The following VAV2 variants were observed in gnomAD, a reference collection of about 807,000 sequenced individuals.
VAV2 encodes the protein vav guanine nucleotide exchange factor 2.
A neutral mutation model predicts 132.5 loss-of-function variants in VAV2; 67 were observed. The ratio of observed to expected loss-of-function variants is 0.51; its 90% confidence interval spans 0.42 to 0.62. The LOEUF is 0.62. Ranked by LOEUF, VAV2 falls within the 20% of genes least tolerant of loss-of-function variation. VAV2 has a pLI of 0.00. For synonymous variants in VAV2, 492 were observed against 443.5 expected, an observed-to-expected ratio of 1.11 and a Z score of -1.37; for missense variants, 938 against 1,153.6, an observed-to-expected ratio of 0.81 and a Z score of 2.71.
intron 23 of VAV2, among the ~76,000 whole-genome samples, chr9:133,776,786 G>A (rs1035492253): frequency 1.3e-5 from 2 of 152,130 alleles, no homozygotes; most frequent in Non-Finnish European, 2.9e-5. Context: ...GGGGAGCACC[G>A]GGGCTGCCGC....
At chr9:133,905,569 C>T (rs982061892) in intron 2 of VAV2, among the ~76,000 whole-genome samples, 4 of 152,210 alleles carry the variant, frequency 2.6e-5, no homozygotes, top group African/African-American at 7.2e-5. Flanking sequence ...TAGGCCCTGC[C>T]GACTGCCATT....
intron 12 of VAV2, among the ~76,000 whole-genome samples, chr9:133,793,373 C>T (rs1470596835): frequency 1.3e-5 from 2 of 152,192 alleles, no homozygotes; most frequent in Admixed American, 1.3e-4. Context: ...CCCTCCCGCC[C>T]TTCCTCGTTC....
At chr9:133,954,209 A>G (rs1841666497) in intron 1 of VAV2, among the ~76,000 whole-genome samples, 1 of 152,178 alleles carries the variant, frequency 6.6e-6, no homozygotes, top group Non-Finnish European at 1.5e-5. Context: ...CATCCCAGTC[A>G]TTTCCAGGGA....
At position 133,967,476 on chromosome 9, in the gene VAV2, C is replaced by A. The variant is rs143461697; in HGVS notation, c.204+24599G>T. Among the ~76,000 whole-genome samples, 1,013 of 152,304 alleles carry A rather than the reference C, an allele frequency of 6.7e-3. 6 individuals carry two copies. Among genetic ancestry groups the A allele is most frequent in the African/African-American group, 0.023 (956 of 41,564 alleles). On this transcript the variant is annotated intron_variant, in intron 1 of 29. Transcript: ENST00000371850. ...CCCACCTTTACCGTAGCACTATTCACAATCAACCTAAATATCAGTGAATGA... is the reference window on the plus strand; with the variant it reads ...CCCACCTTTACCGTAGCACTATTCAAAATCAACCTAAATATCAGTGAATGA...
At chr9:133,924,245 A>G (rs1467181255) in intron 2 of VAV2, among the ~76,000 whole-genome samples, 1 of 152,070 alleles carries the variant, frequency 6.6e-6, no homozygotes, top group Non-Finnish European at 1.5e-5. Context: ...GTGCAGTGGT[A>G]TATCTCTGCT....
chr9:133,812,309 C>T lies in VAV2; in HGVS notation c.450-93G>A, dbSNP rs552244444. The T allele has an allele frequency of 6.0e-5, 75 of 1,256,194 alleles. No homozygotes were observed. The Middle Eastern group carries it at 6.7e-4, about 11-fold the overall frequency. 77.8% of individuals were successfully genotyped at this position (1,256,194 alleles called of 1,614,324 possible). On this transcript the variant is annotated intron_variant, in intron 4 of 29. Transcript: ENST00000371850. The stretch of plus-strand genomic sequence containing the variant: ...CACGAGGGTCCACGAGGGACGCAGG[C>T]GGCTGGGGCCACAGCGAGGTCACCT...
In VAV2 at chr9:133,805,290, A is replaced by G. The variant is rs932649390; in HGVS notation, c.836+791T>C. ...ACCCTTCCAAGAGTGGACCCCGGAC[A>G]TGGTATTTGTAACAAGCTCCCCAGT... On this transcript the variant is annotated intron_variant, in intron 9 of 29. Coordinates refer to ENST00000371850, the MANE Select transcript of VAV2 (RefSeq NM_001134398.2). Among the ~76,000 whole-genome samples the G allele has an allele frequency of 6.6e-5, 10 of 152,108 alleles. No individual in the cohort carries two copies. In the South Asian group the frequency reaches 8.3e-4, roughly 13 times the overall value.
chr9:133,955,046 G>A (rs1419143679), intron 1 of VAV2, among the ~76,000 whole-genome samples: 3 of 151,950 alleles, frequency 2.0e-5, no homozygotes, highest in Middle Eastern at 3.2e-3. Context: ...TCCTTCCTCC[G>A]GCTACCCCAC....
intron 2 of VAV2, among the ~76,000 whole-genome samples, chr9:133,892,143 G>A (rs1204213041): frequency 7.6e-6 from 1 of 130,864 alleles, no homozygotes; most frequent in African/African-American, 3.0e-5. Context: ...AGGGCGGGGT[G>A]GGGGATGATG....
In VAV2 at chr9:133,885,823, C is replaced by T. The variant is rs1365850330; in HGVS notation, c.322-24391G>A. Among the ~76,000 whole-genome samples, 1 of 152,240 alleles carries T rather than the reference C, an allele frequency of 6.6e-6. No individual in the cohort carries two copies. ...TTCACAAAGCACTCACCCACTTACC[C>T]TTGGGCTGGAAGGAACCACAGGCGC... On this transcript the variant is annotated intron_variant, in intron 2 of 29. Coordinates refer to ENST00000371850, the MANE Select transcript of VAV2 (RefSeq NM_001134398.2). This position sits in a 1 kb window ranked among gnomAD's most constrained non-coding sequence, Gnocchi z 5.0.
At chr9:133,989,349 A>C (rs2132317930) in intron 1 of VAV2, among the ~76,000 whole-genome samples, 1 of 150,472 alleles carries the variant, frequency 6.6e-6, no homozygotes, top group African/African-American at 2.5e-5. Context: ...CAAAAAAAAA[A>C]AAAAACAAAA....
At chr9:133,966,801 G>A (rs1321436605) in intron 1 of VAV2, among the ~76,000 whole-genome samples, 1 of 152,074 alleles carries the variant, frequency 6.6e-6, no homozygotes, top group East Asian at 1.9e-4. Flanking sequence ...CTGGGAGGCC[G>A]TGGCGGGCAG....
chr9:133,954,736 T>G (rs1841690829), intron 1 of VAV2, among the ~76,000 whole-genome samples: 1 of 152,140 alleles, frequency 6.6e-6, no homozygotes, highest in Admixed American at 6.5e-5. Context: ...GCGCAGGTGC[T>G]TAGGGGTGTA....
Position 133,801,730 on chromosome 9 carries a change from G to A in VAV2, c.837-3921C>T, listed in dbSNP as rs570708671. 3.2e-4 allele frequency among the ~76,000 whole-genome samples: 49 copies of A among 152,312 alleles called. No homozygotes were observed. The South Asian group carries it at 1.0e-2, about 31-fold the overall frequency. ...AGATGAGGCCATGCTGAAGGAAGGTGGCCCTGACTCCAATGAGAGTGGCCT... is the reference window on the plus strand; with the variant it reads ...AGATGAGGCCATGCTGAAGGAAGGTAGCCCTGACTCCAATGAGAGTGGCCT... On this transcript the variant is annotated intron_variant, in intron 9 of 29. Transcript: ENST00000371850.
At chr9:133,899,897 C>G (rs1349084471) in intron 2 of VAV2, among the ~76,000 whole-genome samples, 5 of 151,238 alleles carry the variant, frequency 3.3e-5, no homozygotes, top group Admixed American at 1.3e-4. Context: ...GGCGGGCACC[C>G]GTAGTCCCAG....
At chr9:133,799,737 A>G (rs1564359738) in intron 9 of VAV2, among the ~76,000 whole-genome samples, 3 of 152,204 alleles carry the variant, frequency 2.0e-5, no homozygotes, top group Admixed American at 2.0e-4. Context: ...GTGAAAACCT[A>G]TCATCTCTGG....
intron 2 of VAV2, among the ~76,000 whole-genome samples, chr9:133,873,662 T>A (rs1470287860): frequency 1.3e-5 from 2 of 152,204 alleles, no homozygotes; most frequent in Non-Finnish European, 2.9e-5. Context: ...ATGAGGCAGC[T>A]GCATCAGGCG....
rs529818866 is a variant in VAV2, at chr9:133,958,666, T to C, written c.205-19447A>G. ...TCTTTCTCTATACTTTGTATCTGTG[T>C]CTTTTTCTTTTCCAAGTCTCTCGTT... is the stretch of plus-strand genomic sequence containing the variant. On this transcript the variant is annotated intron_variant, in intron 1 of 29. Transcript: ENST00000371850. Among the ~76,000 whole-genome samples the C allele has an allele frequency of 3.2e-4, 48 of 152,106 alleles. 2 individuals are homozygous for C. The highest frequency in any genetic ancestry group is 1.2e-4 in the Non-Finnish European group (8 of 67,964).
At position 133,961,021 on chromosome 9, in the gene VAV2, C is replaced by T. The variant is rs1169432592; in HGVS notation, c.205-21802G>A. Among the ~76,000 whole-genome samples, 3 of 152,224 alleles carry T rather than the reference C, an allele frequency of 2.0e-5. No homozygotes were observed. Among genetic ancestry groups the T allele is most frequent in the Admixed American group, 6.5e-5 (1 of 15,290 alleles). On this transcript the variant is annotated intron_variant, in intron 1 of 29. Transcript: ENST00000371850. The surrounding 1 kb of genome is among the most constrained non-coding windows in gnomAD (Gnocchi z 4.1). ...AGGTCTGCCGCCTTGCAATGCGACG[C>T]CTGCCTGGGAGCGCAGGTGAGGGAG... is the stretch of plus-strand genomic sequence containing the variant.
Sources: gnomAD v4.1 joint callset for allele counts (sites outside exome capture counted in the v4.1 genomes callset) on GRCh38, gnomAD v4.1.1 for gene constraint, Gnocchi (gnomAD v3.1) non-coding constraint, MANE v1.5 for transcripts, NCBI Gene and HGNC (gene_info 2026-07-23, HGNC 2026-07-21) for gene names.